Variants in RSPO3 observed in about 807,000 individuals in gnomAD.
The protein encoded by RSPO3 is R-spondin 3, also known as R-spondin-3.
RSPO3 carries 17 observed loss-of-function variants against 36.5 expected under a neutral mutation model. That is an observed-to-expected ratio of 0.47 (90% CI 0.32 to 0.70). The LOEUF (loss-of-function observed/expected upper bound fraction) is 0.70, where lower values mean the gene tolerates loss of function less well. Among genes scored for constraint, RSPO3 ranks in the 30% least tolerant of loss-of-function variants. RSPO3 has a pLI of 0.04. For synonymous variants in RSPO3, 108 were observed against 107.0 expected, an observed-to-expected ratio of 1.01 and a Z score of -0.06; for missense variants, 294 against 322.5, an observed-to-expected ratio of 0.91 and a Z score of 0.68.
intron 1 of RSPO3, among the ~76,000 whole-genome samples, chr6:127,138,922 C>T (rs1378712146): frequency 6.6e-6 from 1 of 152,270 alleles, no homozygotes; most frequent in South Asian, 2.1e-4. Flanking sequence ...GAGTGCAGAT[C>T]CAGTACCTCT....
chr6:127,169,209 T>G lies in RSPO3; in HGVS notation c.634+13771T>G, dbSNP rs185983249. ...CTCCACAACCTCACCAGCATCTGGG[T>G]TTTTTTTTTCTGTTTGGTTTTTTGT... On this transcript the variant is annotated intron_variant, in intron 4 of 4. Coordinates refer to ENST00000356698, the MANE Select transcript of RSPO3 (RefSeq NM_032784.5). Among the ~76,000 whole-genome samples the G allele has an allele frequency of 1.6e-4, 24 of 149,356 alleles. No individual in the cohort carries two copies. The East Asian group carries it at 3.0e-3, about 18-fold the overall frequency.
chr6:127,124,996 T>A (rs1773912577), intron 1 of RSPO3, among the ~76,000 whole-genome samples: 1 of 152,140 alleles, frequency 6.6e-6, no homozygotes, highest in South Asian at 2.1e-4. Context: ...CTTTTCACAT[T>A]TGAACTGTTT....
chr6:127,124,430 G>A (rs1449659693), intron 1 of RSPO3, among the ~76,000 whole-genome samples: 1 of 151,998 alleles, frequency 6.6e-6, no homozygotes. Context: ...AGCACAGTAA[G>A]GATCATGCAA....
In RSPO3 at chr6:127,139,590, A is replaced by T. The variant is rs1774228745; in HGVS notation, c.98-9058A>T. On this transcript the variant is annotated intron_variant, in intron 1 of 4. Transcript: ENST00000356698. Reference sequence around the variant, plus strand: ...AAAAATATTTCTAACCTTAAAAAAAAATTTCTAATTATTTCTAACCTTAAA... The same window carrying T: ...AAAAATATTTCTAACCTTAAAAAAATATTTCTAATTATTTCTAACCTTAAA... Among the ~76,000 whole-genome samples the T allele has an allele frequency of 2.0e-5, 3 of 151,990 alleles. No individual in the cohort carries two copies. In the East Asian group the frequency reaches 5.8e-4, roughly 29 times the overall value.
intron 4 of RSPO3, among the ~76,000 whole-genome samples, chr6:127,183,925 CT>C (rs1386367494): frequency 1.3e-5 from 2 of 151,942 alleles, no homozygotes; most frequent in East Asian, 3.9e-4. Flanking sequence ...CCTCAAGAAA[CT>C]TACAATCATG....
At chr6:127,185,533 T>C (rs1582814252) in intron 4 of RSPO3, among the ~76,000 whole-genome samples, 2 of 152,072 alleles carry the variant, frequency 1.3e-5, no homozygotes, top group Non-Finnish European at 2.9e-5. Context: ...TCTTTACATA[T>C]GTAGCTAATA....
intron 4 of RSPO3, among the ~76,000 whole-genome samples, chr6:127,169,558 T>G (rs545719970): frequency 6.6e-6 from 1 of 152,034 alleles, no homozygotes; most frequent in South Asian, 2.1e-4. Flanking sequence ...AACATCAGAA[T>G]AAGTCAAAAA....
At chr6:127,144,643 G>GTTT (rs56388820) in intron 1 of RSPO3, among the ~76,000 whole-genome samples, 4 of 99,130 alleles carry the variant, frequency 4.0e-5, no homozygotes, top group Middle Eastern at 5.2e-3. Flanking sequence ...GCTTCCCCTT[G>GTTT]TTTTTTTTTT....
chr6:127,155,362 G>C lies in RSPO3; in HGVS notation c.558G>C (p.Lys186Asn), dbSNP rs756020610. 5.0e-6 allele frequency: 8 copies of C among 1,613,716 alleles called. No homozygotes were observed. The South Asian group carries it at 7.7e-5, about 16-fold the overall frequency. The change falls in exon 4 of 5, where the codon AAG (lysine) becomes AAC (asparagine). Residue 186 changes from lysine (K) to asparagine (N), a missense_variant. Physicochemically the swap from Lys to Asn is moderately conservative, Grantham distance 94. Transcript: ENST00000356698. Reference protein sequence around the residue: ...VREIIQHPSAKGNLCPPTNET... With the variant: ...VREIIQHPSANGNLCPPTNET... ...AAATAATACAGCATCCTTCAGCAAAGGGTAACCTGTGTCCCCCAACAAATG... is the reference window on the plus strand; with the variant it reads ...AAATAATACAGCATCCTTCAGCAAACGGTAACCTGTGTCCCCCAACAAATG...
At chr6:127,145,232 T>C (rs1430871612) in intron 1 of RSPO3, among the ~76,000 whole-genome samples, 1 of 152,106 alleles carries the variant, frequency 6.6e-6, no homozygotes, top group African/African-American at 2.4e-5. Flanking sequence ...CATTGGCCAC[T>C]ATATTTGGTT....
rs991516082 is a variant in RSPO3 at position 127,198,956 on chromosome 6, T to C, written c.*2949T>C. Among the ~76,000 whole-genome samples, 1 of 152,160 alleles carries C rather than the reference T, an allele frequency of 6.6e-6. No individual in the cohort carries two copies. Among genetic ancestry groups the C allele is most frequent in the Non-Finnish European group, 1.5e-5 (1 of 68,040 alleles). On this transcript the variant is annotated 3_prime_UTR_variant, in exon 5 of 5. Coordinates refer to ENST00000356698, the MANE Select transcript of RSPO3 (RefSeq NM_032784.5). Reference sequence around the variant, plus strand: ...ATTTAACTCTGCTTCTCTAATGTTATTGAATTAAAAGCTGTTCACATTAGT... The same window carrying C: ...ATTTAACTCTGCTTCTCTAATGTTACTGAATTAAAAGCTGTTCACATTAGT...
chr6:127,137,881 T>C (rs1289260251), intron 1 of RSPO3, among the ~76,000 whole-genome samples: 1 of 152,338 alleles, frequency 6.6e-6, no homozygotes, highest in East Asian at 1.9e-4. Flanking sequence ...TAAAGTATTA[T>C]CTTATTAATT....
At chr6:127,172,740 A>T (rs1774965728) in intron 4 of RSPO3, among the ~76,000 whole-genome samples, 1 of 151,850 alleles carries the variant, frequency 6.6e-6, no homozygotes, top group Non-Finnish European at 1.5e-5. Context: ...CTCATTTAAA[A>T]TTCTTTAAAT....
intron 4 of RSPO3, among the ~76,000 whole-genome samples, chr6:127,177,900 T>A (rs2114627532): frequency 6.6e-6 from 1 of 151,852 alleles, no homozygotes; most frequent in Admixed American, 6.6e-5. Context: ...CTCTTGGTTT[T>A]TTTTTTACAA....
chr6:127,136,779 A>G (rs1029820641), intron 1 of RSPO3, among the ~76,000 whole-genome samples: 4 of 152,176 alleles, frequency 2.6e-5, no homozygotes, highest in Admixed American at 1.3e-4. Flanking sequence ...GTTCTCATAT[A>G]TCTACCCTGA....
At chr6:127,164,568 T>G (rs143631885) in intron 4 of RSPO3, among the ~76,000 whole-genome samples, 1 of 152,132 alleles carries the variant, frequency 6.6e-6, no homozygotes, top group East Asian at 1.9e-4. Context: ...TGGCTTTAAA[T>G]GAATAGAAAA....
chr6:127,187,571 G>T (rs1392102628), intron 4 of RSPO3, among the ~76,000 whole-genome samples: 1 of 152,046 alleles, frequency 6.6e-6, no homozygotes, highest in Admixed American at 6.6e-5. Flanking sequence ...TAAAACCCAA[G>T]ATCTAATTCA....
At chr6:127,146,369 T>C (rs1774384266) in intron 1 of RSPO3, among the ~76,000 whole-genome samples, 2 of 152,240 alleles carry the variant, frequency 1.3e-5, no homozygotes, top group African/African-American at 2.4e-5. Flanking sequence ...GTAAAAGTTT[T>C]AGAGACAGAG....
chr6:127,129,227 C>T (rs569155055), intron 1 of RSPO3, among the ~76,000 whole-genome samples: 14 of 152,138 alleles, frequency 9.2e-5, no homozygotes, highest in South Asian at 8.3e-4. Context: ...GTCATTTATT[C>T]ATGAACTTAT....
Sources: allele counts gnomAD v4.1 joint callset (sites outside exome capture counted in the v4.1 genomes callset), GRCh38; gene constraint gnomAD v4.1.1; transcripts MANE v1.5; gene names NCBI Gene and HGNC (gene_info 2026-07-23, HGNC 2026-07-21).